The following NALF1 variants were observed in gnomAD, a reference collection of about 807,000 sequenced individuals.
The protein encoded by NALF1 is family with sequence similarity 155 member A.
A neutral mutation model predicts 48.4 loss-of-function variants in NALF1; 3 were observed. That is an observed-to-expected ratio of 0.06 (90% CI 0.03 to 0.16). NALF1 has a LOEUF of 0.16. NALF1 is among the 10% of genes least tolerant of loss of function. The pLI is 1.00. For missense variants in NALF1, 526 were observed against 571.5 expected (o/e 0.92, Z 0.81); for synonymous variants, 262 against 245.7 (o/e 1.07, Z -0.62).
At chr13:107,686,298 T>C (rs567525513) in intron 1 of NALF1, among the ~76,000 whole-genome samples, 45 of 152,288 alleles carry the variant, frequency 3.0e-4, no homozygotes, top group Non-Finnish European at 4.9e-4. Context: ...TTTCACATGA[T>C]TGAAAGTCTC....
intron 1 of NALF1, among the ~76,000 whole-genome samples, chr13:107,556,292 TATATAC>T (rs762851701): frequency 0.19 from 23,385 of 122,034 alleles, 1,936 homozygotes; most frequent in South Asian, 0.27. Context: ...TATATATATA[TATATAC>T]ACACACACAC....
chr13:107,353,303 T>C (rs1882907492), intron 1 of NALF1, among the ~76,000 whole-genome samples: 1 of 152,208 alleles, frequency 6.6e-6, no homozygotes, highest in African/African-American at 2.4e-5. Flanking sequence ...TAGTGAACCT[T>C]CAGAGAGCAA....
At chr13:107,792,133 G>A (rs1458203131) in intron 1 of NALF1, among the ~76,000 whole-genome samples, 1 of 152,120 alleles carries the variant, frequency 6.6e-6, no homozygotes, top group Non-Finnish European at 1.5e-5. Context: ...AAGAAAGCAG[G>A]TCTTACTATG....
At chr13:107,855,922 T>C (rs907960126) in intron 1 of NALF1, among the ~76,000 whole-genome samples, 1 of 152,158 alleles carries the variant, frequency 6.6e-6, no homozygotes, top group African/African-American at 2.4e-5. Flanking sequence ...ATTTTTTTTT[T>C]TTTCAGACAG....
chr13:107,365,605 G>A (rs4258476), intron 1 of NALF1, among the ~76,000 whole-genome samples: 147,328 of 152,252 alleles, frequency 0.97, 71,390 homozygotes, highest in South Asian at 0.99. Context: ...ACATTTCAAC[G>A]GTTCCAGGGA....
chr13:107,437,051 T>G (rs1281388423), intron 1 of NALF1, among the ~76,000 whole-genome samples: 2 of 150,994 alleles, frequency 1.3e-5, no homozygotes, highest in African/African-American at 4.9e-5. Context: ...CATATAAACG[T>G]AAGCAACCCA....
chr13:107,332,575 A>C (rs145499024), intron 1 of NALF1, among the ~76,000 whole-genome samples: 312 of 152,384 alleles, frequency 2.0e-3, no homozygotes, highest in Non-Finnish European at 2.9e-3. Context: ...ACAACTGCTC[A>C]AACTGAATTC....
rs1263955884 is a variant in NALF1 at position 107,163,528 on chromosome 13, A to G, written c.*6969T>C. 1 of 152,182 alleles carries G rather than the reference A, an allele frequency of 6.6e-6. No individual in the cohort carries two copies. Among genetic ancestry groups the G allele is most frequent in the African/African-American group, 2.4e-5 (1 of 41,446 alleles). 9.4% of individuals were successfully genotyped at this position (152,182 alleles called of 1,614,324 possible). A position where few individuals can be genotyped will look rare whatever the true frequency, so the allele number is the denominator to read the frequency against. On this transcript the variant is annotated 3_prime_UTR_variant, in exon 3 of 3. Coordinates refer to ENST00000375915, the MANE Select transcript of NALF1 (RefSeq NM_001080396.3). The stretch of plus-strand genomic sequence containing the variant: ...AACAAACTTTAGCAGTGGCCTCTAT[A>G]TCTTTTTAATATTTGTATTTTAATA...
intron 1 of NALF1, among the ~76,000 whole-genome samples, chr13:107,857,054 A>G (rs1363691422): frequency 1.3e-5 from 2 of 152,218 alleles, no homozygotes; most frequent in Non-Finnish European, 2.9e-5. Context: ...ATTTTCGTCA[A>G]GTTAAAGAAC....
At chr13:107,727,363 C>G (rs1173525965) in intron 1 of NALF1, among the ~76,000 whole-genome samples, 1 of 152,180 alleles carries the variant, frequency 6.6e-6, no homozygotes, top group Non-Finnish European at 1.5e-5. Flanking sequence ...GGAAGAAATT[C>G]TGAGTGTGGT....
chr13:107,731,030 A>G (rs1876295058), intron 1 of NALF1, among the ~76,000 whole-genome samples: 2 of 152,218 alleles, frequency 1.3e-5, no homozygotes, highest in South Asian at 4.1e-4. Flanking sequence ...GAAGATGTTG[A>G]GTGAGCATGA....
At chr13:107,209,137 A>G (rs1879705201) in intron 2 of NALF1, among the ~76,000 whole-genome samples, 1 of 152,174 alleles carries the variant, frequency 6.6e-6, no homozygotes, top group African/African-American at 2.4e-5. Context: ...GAGAATGTAC[A>G]ATAGAAACAG....
chr13:107,564,165 G>C (rs1315937501), intron 1 of NALF1, among the ~76,000 whole-genome samples: 2 of 152,132 alleles, frequency 1.3e-5, no homozygotes, highest in Non-Finnish European at 2.9e-5. Flanking sequence ...GGGTAATGAG[G>C]CTTTCTCTAT....
At chr13:107,718,494 A>C (rs567437313) in intron 1 of NALF1, among the ~76,000 whole-genome samples, 1 of 152,344 alleles carries the variant, frequency 6.6e-6, no homozygotes, top group South Asian at 2.1e-4. Context: ...GGAGAAAATC[A>C]TCTCAGCTTG....
Position 107,202,825 on chromosome 13 carries a change from T to G in NALF1, c.1087+7759A>C, listed in dbSNP as rs545199395. The stretch of plus-strand genomic sequence containing the variant: ...TGTACATAGCAAGGAAACAATGGCT[T>G]ACACATGAATTTCAGGATGGGCTGG... On this transcript the variant is annotated intron_variant, in intron 2 of 2. Transcript: ENST00000375915. Among the ~76,000 whole-genome samples, 5 of 152,314 alleles carry G rather than the reference T, an allele frequency of 3.3e-5. No individual in the cohort carries two copies. The South Asian group carries it at 8.3e-4, about 25-fold the overall frequency.
chr13:107,339,882 G>C (rs538958420), intron 1 of NALF1, among the ~76,000 whole-genome samples: 1 of 152,124 alleles, frequency 6.6e-6, no homozygotes, highest in East Asian at 1.9e-4. Context: ...TTATTCTATA[G>C]ATCACAAACA....
At chr13:107,758,176 C>A (rs1315050305) in intron 1 of NALF1, among the ~76,000 whole-genome samples, 1 of 152,106 alleles carries the variant, frequency 6.6e-6, no homozygotes, top group Non-Finnish European at 1.5e-5. Context: ...ATCAAAAGAA[C>A]TGTGATTGCA....
At chr13:107,704,846 T>C (rs976589407) in intron 1 of NALF1, among the ~76,000 whole-genome samples, 2 of 152,288 alleles carry the variant, frequency 1.3e-5, no homozygotes, top group African/African-American at 4.8e-5. Flanking sequence ...CAGGTTACAT[T>C]GGGAGAGAGT....
At chr13:107,492,238 T>C (rs2139070483) in intron 1 of NALF1, among the ~76,000 whole-genome samples, 1 of 151,936 alleles carries the variant, frequency 6.6e-6, no homozygotes, top group South Asian at 2.1e-4. Flanking sequence ...TTAGTAGAGA[T>C]GGGTGTCACC....
Sources: gnomAD v4.1 joint callset for allele counts (sites outside exome capture counted in the v4.1 genomes callset) on GRCh38, gnomAD v4.1.1 for gene constraint, MANE v1.5 for transcripts, NCBI Gene and HGNC (gene_info 2026-07-23, HGNC 2026-07-21) for gene names.